The following MPP7 variants were observed in gnomAD, a reference collection of about 807,000 sequenced individuals.
MPP7 encodes the protein MAGUK p55 subfamily member 7.
Under a neutral mutation model 76.5 loss-of-function variants are expected in MPP7, and 60 were observed. That is an observed-to-expected ratio of 0.78 (90% CI 0.64 to 0.97). The LOEUF is 0.97. Ranked by LOEUF, MPP7 falls within the 50% of genes least tolerant of loss-of-function variation. The probability of loss-of-function intolerance (pLI) is 0.00; values close to 1 mark genes in which losing one functional copy is unlikely to be tolerated. For missense variants in MPP7, 641 were observed against 694.0 expected (o/e 0.92, Z 0.86); for synonymous variants, 237 against 244.5 (o/e 0.97, Z 0.29).
intron 3 of MPP7, among the ~76,000 whole-genome samples, chr10:28,178,498 G>A (rs1836949597): frequency 6.6e-6 from 1 of 151,856 alleles, no homozygotes; most frequent in Non-Finnish European, 1.5e-5. Context: ...ACAAAATGAG[G>A]AGAATTGAAA....
intron 3 of MPP7, among the ~76,000 whole-genome samples, chr10:28,173,125 C>G (rs556782840): frequency 6.6e-6 from 1 of 151,684 alleles, no homozygotes; most frequent in Admixed American, 6.6e-5. Flanking sequence ...TAGTGGTTCC[C>G]CAGACAGGAA....
intron 1 of MPP7, among the ~76,000 whole-genome samples, chr10:28,299,480 G>GT (rs1841103425): frequency 1.3e-5 from 2 of 152,022 alleles, no homozygotes; most frequent in Non-Finnish European, 2.9e-5. Context: ...AATTAGAATC[G>GT]TAACATCAAA....
rs181883616 is a variant in MPP7, at chr10:28,099,342, T to A, written c.953-9501A>T. On this transcript the variant is annotated intron_variant, in intron 11 of 16. Coordinates refer to ENST00000683449, the MANE Select transcript of MPP7 (RefSeq NM_001318170.2). ...AGTTTAGATCTTTGATTATATTTCT[T>A]TTACATAACCAACCTGGTCTAATAA... Among the ~76,000 whole-genome samples, 36 of 152,318 alleles carry A rather than the reference T, an allele frequency of 2.4e-4. 1 individual carries two copies. In the East Asian group the frequency reaches 6.7e-3, roughly 29 times the overall value.
chr10:28,288,628 T>C lies in MPP7; in HGVS notation c.-132+14233A>G, dbSNP rs941851874. On this transcript the variant is annotated intron_variant, in intron 1 of 16. Coordinates refer to ENST00000683449, the MANE Select transcript of MPP7 (RefSeq NM_001318170.2). Reference sequence around the variant, plus strand: ...GGTAAACATTGATAGATATAACTCATGTAAAGCAAAGGTCTTTGAGGTCCT... The same window carrying C: ...GGTAAACATTGATAGATATAACTCACGTAAAGCAAAGGTCTTTGAGGTCCT... 4.6e-5 allele frequency among the ~76,000 whole-genome samples: 7 copies of C among 152,288 alleles called. No individual in the cohort carries two copies. In the South Asian group the frequency reaches 1.4e-3, roughly 32 times the overall value.
chr10:28,125,521 T>TA lies in MPP7; in HGVS notation c.448-431dup, dbSNP rs1834990430. Among the ~76,000 whole-genome samples, 2 of 152,248 alleles carry TA rather than the reference T, an allele frequency of 1.3e-5. 1 individual carries two copies. On this transcript the variant is annotated intron_variant, in intron 6 of 16. Coordinates refer to ENST00000683449, the MANE Select transcript of MPP7 (RefSeq NM_001318170.2). ...CTAATAGACAAAAGATTCTATATGT[T>TA]AAAAAACTAAAACCCAGATCATTTG...
intron 11 of MPP7, among the ~76,000 whole-genome samples, chr10:28,101,197 A>C (rs960855374): frequency 1.5e-4 from 23 of 152,320 alleles, no homozygotes; most frequent in Non-Finnish European, 2.8e-4. Context: ...TATTCAAGAA[A>C]GAACCTGTGT....
At chr10:28,278,693 T>C (rs957289242) in intron 1 of MPP7, among the ~76,000 whole-genome samples, 1 of 151,974 alleles carries the variant, frequency 6.6e-6, no homozygotes, top group Non-Finnish European at 1.5e-5. Context: ...AAAGTAAATT[T>C]AGAAAAAGAT....
chr10:28,107,683 G>T (rs984953871), intron 11 of MPP7, among the ~76,000 whole-genome samples: 1 of 152,186 alleles, frequency 6.6e-6, no homozygotes, highest in Admixed American at 6.5e-5. Flanking sequence ...CTAGCTTTGC[G>T]AAAGGTGAAA....
Position 28,088,331 on chromosome 10 carries a change from G to GA in MPP7, c.1123+1339dup, listed in dbSNP as rs1190366709. Among the ~76,000 whole-genome samples, 10 of 152,296 alleles carry GA rather than the reference G, an allele frequency of 6.6e-5. No homozygotes were observed. In the East Asian group the frequency reaches 1.9e-3, roughly 29 times the overall value. On this transcript the variant is annotated intron_variant, in intron 12 of 16. Transcript: ENST00000683449. ...TGAACTGTAATTCTCAATGCTGGGG[G>GA]AGGGACCTGGTGGGAGGTAGCTAGA...
intron 1 of MPP7, among the ~76,000 whole-genome samples, chr10:28,256,299 T>C (rs1450364780): frequency 8.7e-5 from 13 of 150,156 alleles, no homozygotes; most frequent in Non-Finnish European, 1.8e-4. Context: ...CAACTCCACA[T>C]TGCCATACAT....
chr10:28,083,506 T>C (rs1852860391), intron 12 of MPP7, among the ~76,000 whole-genome samples: 1 of 151,410 alleles, frequency 6.6e-6, no homozygotes, highest in Non-Finnish European at 1.5e-5. Flanking sequence ...TGCATTAATA[T>C]ACCATGCTTA....
intron 14 of MPP7, 121 bp downstream of exon 14, chr10:28,059,529 T>C (rs1851692392): frequency 1.6e-6 from 1 of 612,934 alleles, no homozygotes; most frequent in Non-Finnish European, 2.8e-6. Context: ...TTCATCTGTT[T>C]CAAATATTAT....
intron 2 of MPP7, among the ~76,000 whole-genome samples, chr10:28,218,501 C>T (rs932176392): frequency 3.9e-5 from 6 of 152,062 alleles, no homozygotes; most frequent in South Asian, 2.1e-4. Flanking sequence ...TAATGTTAAA[C>T]GGAGGCAGAA....
intron 3 of MPP7, among the ~76,000 whole-genome samples, chr10:28,150,889 G>A (rs368006061): frequency 2.0e-5 from 3 of 152,216 alleles, no homozygotes; most frequent in East Asian, 1.9e-4. Flanking sequence ...AACAAAAGAC[G>A]TGTTGACAAA....
chr10:28,293,275 G>A (rs1260468141), intron 1 of MPP7, among the ~76,000 whole-genome samples: 17 of 152,152 alleles, frequency 1.1e-4, no homozygotes, highest in Non-Finnish European at 1.9e-4. Flanking sequence ...GAACTCAACC[G>A]AGGAAAAACA....
intron 11 of MPP7, among the ~76,000 whole-genome samples, chr10:28,109,792 A>G (rs1005524611): frequency 6.7e-6 from 1 of 149,004 alleles, no homozygotes. Context: ...GTGTAAAAGC[A>G]TACAGAACAA....
In MPP7 at chr10:28,233,717, CAAAAAAAAA is replaced by C. The variant is rs752333257; in HGVS notation, c.37+4842_37+4850del. On this transcript the variant is annotated intron_variant, in intron 2 of 16. Transcript: ENST00000683449. Reference sequence around the variant, plus strand: ...TGGGCGACAGAGCGAGACTCCGTCTCAAAAAAAAAAAAAAAAAAGAGAGAAACAACACTC... The same window carrying C: ...TGGGCGACAGAGCGAGACTCCGTCTCAAAAAAAAAGAGAGAAACAACACTC... 4.1e-5 allele frequency among the ~76,000 whole-genome samples: 3 copies of C among 73,384 alleles called. No individual in the cohort carries two copies. The South Asian group carries it at 1.2e-3, about 30-fold the overall frequency. The allele number at this position is 73,384 out of a possible 152,430, so 48.1% of individuals were successfully genotyped here. A position where few individuals can be genotyped will look rare whatever the true frequency, so the allele number is the denominator to read the frequency against.
chr10:28,179,524 A>G (rs1836991223), intron 3 of MPP7, among the ~76,000 whole-genome samples: 1 of 152,252 alleles, frequency 6.6e-6, no homozygotes, highest in South Asian at 2.1e-4. Flanking sequence ...TACATTAATA[A>G]TAATAAATAC....
intron 5 of MPP7, among the ~76,000 whole-genome samples, chr10:28,146,196 T>A (rs936536709): frequency 1.8e-4 from 28 of 152,210 alleles, no homozygotes; most frequent in Admixed American, 1.7e-3. Context: ...ACACACTTTG[T>A]ATTTAACATC....
Sources: allele counts gnomAD v4.1 joint callset (sites outside exome capture counted in the v4.1 genomes callset), GRCh38; gene constraint gnomAD v4.1.1; transcripts MANE v1.5; gene names NCBI Gene and HGNC (gene_info 2026-07-23, HGNC 2026-07-21).